The following SOX5 variants were observed in gnomAD, a reference collection of about 807,000 sequenced individuals.
SOX5 encodes the protein transcription factor SOX-5.
A neutral mutation model predicts 92.0 loss-of-function variants in SOX5; 9 were observed. The observed-to-expected ratio is 0.10, with a 90% CI of 0.06 to 0.17. The LOEUF (loss-of-function observed/expected upper bound fraction) is 0.17. SOX5 is among the 10% of genes least tolerant of loss of function. The pLI is 1.00. For synonymous variants in SOX5, 344 were observed against 336.3 expected (o/e 1.02, Z -0.25); for missense variants, 642 against 944.5 (o/e 0.68, Z 4.20).
intron 1 of SOX5, among the ~76,000 whole-genome samples, chr12:24,477,507 C>T (rs1945525794): frequency 6.6e-6 from 1 of 151,912 alleles, no homozygotes; most frequent in Admixed American, 6.6e-5. Flanking sequence ...ACAAATTTAC[C>T]ACCTGAATGT....
chr12:23,554,636 G>A (rs2136208052), intron 11 of SOX5, among the ~76,000 whole-genome samples: 1 of 152,260 alleles, frequency 6.6e-6, no homozygotes, highest in East Asian at 1.9e-4. Flanking sequence ...ATGAGAAAAT[G>A]TTAAGGTACA....
At chr12:24,319,968 C>T (rs2140893501) in intron 2 of SOX5, among the ~76,000 whole-genome samples, 1 of 152,170 alleles carries the variant, frequency 6.6e-6, no homozygotes, top group East Asian at 1.9e-4. Context: ...GTTACACATG[C>T]TTATGTTATC....
At chr12:23,647,213 G>A (rs2080973978) in intron 7 of SOX5, among the ~76,000 whole-genome samples, 1 of 152,146 alleles carries the variant, frequency 6.6e-6, no homozygotes, top group Admixed American at 6.5e-5. Flanking sequence ...TTGGGTGACT[G>A]GGTGCAACTG....
chr12:23,848,538 G>A (rs1432938482), intron 2 of SOX5, among the ~76,000 whole-genome samples: 4 of 152,174 alleles, frequency 2.6e-5, no homozygotes, highest in Non-Finnish European at 5.9e-5. Context: ...GTTAACAGCT[G>A]TTTCAGTGTG....
chr12:24,470,254 G>T (rs1423258325), intron 1 of SOX5, among the ~76,000 whole-genome samples: 1 of 152,090 alleles, frequency 6.6e-6, no homozygotes, highest in Non-Finnish European at 1.5e-5. Context: ...TCATCTCGAA[G>T]CATCATTACG....
chr12:24,479,504 C>T (rs1451016102), intron 1 of SOX5, among the ~76,000 whole-genome samples: 7 of 152,150 alleles, frequency 4.6e-5, no homozygotes, highest in African/African-American at 1.7e-4. Flanking sequence ...AAATAACTCA[C>T]CTAAGACCAC....
chr12:24,045,763 T>C (rs1224655106), intron 4 of SOX5, among the ~76,000 whole-genome samples: 1 of 152,228 alleles, frequency 6.6e-6, no homozygotes, highest in Non-Finnish European at 1.5e-5. Context: ...TGTTTCTTTA[T>C]AAAATTATCC....
rs554980973 is a variant in SOX5 at position 23,838,101 on chromosome 12, A to G, written c.481+7882T>C. ...TATATTTATATATATTTATACTTATATACTATATATTTATATTTATACAAC... is the reference window on the plus strand; with the variant it reads ...TATATTTATATATATTTATACTTATGTACTATATATTTATATTTATACAAC... On this transcript the variant is annotated intron_variant, in intron 3 of 14. Transcript: ENST00000451604. Among the ~76,000 whole-genome samples the G allele has an allele frequency of 2.2e-5, 3 of 138,722 alleles. No individual in the cohort carries two copies. The East Asian group carries it at 6.3e-4, about 29-fold the overall frequency. The allele number at this position is 138,722 out of a possible 152,430, so 91.0% of individuals were successfully genotyped here.
chr12:24,078,398 T>G (rs192763672), intron 4 of SOX5, among the ~76,000 whole-genome samples: 1 of 152,160 alleles, frequency 6.6e-6, no homozygotes, highest in Admixed American at 6.6e-5. Context: ...ATTGAACCTG[T>G]GATTACCTGG....
At chr12:24,328,015 G>A (rs1469944671) in intron 2 of SOX5, among the ~76,000 whole-genome samples, 2 of 152,112 alleles carry the variant, frequency 1.3e-5, no homozygotes, top group Non-Finnish European at 2.9e-5. Flanking sequence ...TTGAATGTGA[G>A]TGTCAGAACT....
At chr12:24,355,790 G>A (rs182451957) in intron 2 of SOX5, among the ~76,000 whole-genome samples, 76 of 152,062 alleles carry the variant, frequency 5.0e-4, no homozygotes, top group African/African-American at 1.8e-3. Context: ...CTATTTCTGG[G>A]GAAAAATTAC....
At chr12:23,592,288 T>C (rs370254964) in intron 9 of SOX5, among the ~76,000 whole-genome samples, 2 of 152,336 alleles carry the variant, frequency 1.3e-5, no homozygotes, top group South Asian at 2.1e-4. Context: ...ATTCTTTTAA[T>C]TTTCTATAAA....
rs1939204183 is a variant in SOX5 at position 23,532,066 on chromosome 12, A to ATAACT, written c.*2148_*2152dup. On this transcript the variant is annotated 3_prime_UTR_variant, in exon 15 of 15. Coordinates refer to ENST00000451604, the MANE Select transcript of SOX5 (RefSeq NM_006940.6). ...AAGGGAGAAATAAAATAAATTATAC[A>ATAACT]TAACTTACTAATCTGGGAACAGCTG... 6.6e-6 allele frequency: 1 copy of ATAACT among 151,228 alleles called. No homozygotes were observed. The highest frequency in any genetic ancestry group is 6.6e-5 in the Admixed American group (1 of 15,130). 9.4% of individuals were successfully genotyped at this position (151,228 alleles called of 1,614,324 possible).
chr12:23,785,618 C>A (rs2095364153), intron 3 of SOX5, among the ~76,000 whole-genome samples: 1 of 152,116 alleles, frequency 6.6e-6, no homozygotes, highest in Non-Finnish European at 1.5e-5. Flanking sequence ...TCTAAACTCA[C>A]TCACTAGGAA....
chr12:23,886,103 T>C (rs2097061171), intron 2 of SOX5, among the ~76,000 whole-genome samples: 2 of 152,186 alleles, frequency 1.3e-5, no homozygotes, highest in Non-Finnish European at 2.9e-5. Context: ...AGTCATTTTT[T>C]CTTGAAAATG....
rs939411098 is a variant in SOX5, at chr12:23,738,915, CA to C, written c.741+1951del. Among the ~76,000 whole-genome samples, 5 of 151,150 alleles carry C rather than the reference CA, an allele frequency of 3.3e-5. No homozygotes were observed. The East Asian group carries it at 9.7e-4, about 29-fold the overall frequency. The stretch of plus-strand genomic sequence containing the variant: ...AAGCAAGAGGCATATGGGCCATACC[CA>C]AAAAAAAGCCAAATATATCTTTAAT... On this transcript the variant is annotated intron_variant, in intron 5 of 14. Transcript: ENST00000451604.
At chr12:24,334,899 C>T (rs1951719414) in intron 2 of SOX5, among the ~76,000 whole-genome samples, 1 of 120,900 alleles carries the variant, frequency 8.3e-6, no homozygotes, top group Admixed American at 9.3e-5. Flanking sequence ...TTTACAGTTA[C>T]AATCCCAATT....
intron 11 of SOX5, among the ~76,000 whole-genome samples, chr12:23,553,499 A>G (rs1482106336): frequency 6.6e-6 from 1 of 152,080 alleles, no homozygotes; most frequent in African/African-American, 2.4e-5. Flanking sequence ...CTTCTTTGTT[A>G]TCATGGTGCT....
chr12:24,416,048 G>A (rs903859062), intron 1 of SOX5, among the ~76,000 whole-genome samples: 8 of 152,156 alleles, frequency 5.3e-5, no homozygotes, highest in Non-Finnish European at 8.8e-5. Context: ...GGAGAGAAAC[G>A]GGAAGACTTG....
Sources: allele counts gnomAD v4.1 joint callset (sites outside exome capture counted in the v4.1 genomes callset), GRCh38; gene constraint gnomAD v4.1.1; transcripts MANE v1.5; gene names NCBI Gene and HGNC (gene_info 2026-07-23, HGNC 2026-07-21).